Variants in CYP2C19 observed in about 807,000 individuals in gnomAD.
CYP2C19 encodes the protein cytochrome P450 2C19.
A neutral mutation model predicts 40.9 loss-of-function variants in CYP2C19; 59 were observed. The ratio of observed to expected loss-of-function variants is 1.44; its 90% CI spans 1.17 to 1.79. The LOEUF is 1.79. Ranked by LOEUF, CYP2C19 falls within the 40% of genes most tolerant of loss-of-function variation. The pLI is 0.00. For synonymous variants in CYP2C19, 253 were observed against 208.7 expected, an observed-to-expected ratio of 1.21 and a Z score of -1.83; for missense variants, 754 against 596.9, an observed-to-expected ratio of 1.26 and a Z score of -2.74.
chr10:94,774,921 T>C (rs1489731236), intron 1 of CYP2C19, 137 bp from the exon 2 acceptor site: 2 of 905,092 alleles, frequency 2.2e-6, no homozygotes, highest in East Asian at 2.6e-5. Context: ...CATGTTTATA[T>C]ATAAAATTCA....
Position 94,762,841 on chromosome 10 carries a change from G to C in CYP2C19, c.136G>C (p.Asp46His). Residue 46 changes from aspartate (D) to histidine (H), a missense_variant, in exon 1 of 9, where the codon GAT becomes CAT. Transcript: ENST00000371321. The stretch of plus-strand genomic sequence containing the variant: ...AGTGATTGGAAATATCCTACAGATA[G>C]ATATTAAGGATGTCAGCAAATCCTT... ...LPVIGNILQI[D>H]IKDVSKSLTN... The C allele has an allele frequency of 6.2e-7, 1 of 1,613,942 alleles. No homozygotes were observed. Among genetic ancestry groups the C allele is most frequent in the Non-Finnish European group, 8.5e-7 (1 of 1,179,884 alleles).
intron 5 of CYP2C19, among the ~76,000 whole-genome samples, chr10:94,797,536 C>T (rs1386689172): frequency 6.6e-6 from 1 of 151,956 alleles, no homozygotes; most frequent in Non-Finnish European, 1.5e-5. Context: ...ATCTTTTTCT[C>T]TTGGTTGGTA....
At chr10:94,780,787 G>C in intron 4 of CYP2C19, 128 bp downstream of exon 4, 1 of 1,013,088 alleles carries the variant, frequency 9.9e-7, no homozygotes, top group Non-Finnish European at 1.5e-6. Context: ...GACAGCCATG[G>C]GGTGAATATC....
chr10:94,840,600 C>T (rs984613895), intron 6 of CYP2C19, among the ~76,000 whole-genome samples: 5 of 152,130 alleles, frequency 3.3e-5, no homozygotes, highest in Non-Finnish European at 5.9e-5. Flanking sequence ...TAAAGAAAGT[C>T]GTGGTCAGGA....
chr10:94,780,531 T>A lies in CYP2C19; in HGVS notation c.514T>A (p.Cys172Ser). ...CTGTGATCCCACTTTCATCCTGGGC[T>A]GTGCTCCCTGCAATGTGATCTGCTC... ...SPCDPTFILGCAPCNVICSII... is the reference protein window; with the variant it reads ...SPCDPTFILGSAPCNVICSII... The change falls in exon 4 of 9, where the codon TGT (cysteine) becomes AGT (serine). Residue 172 changes from cysteine (C) to serine (S), a missense_variant. Cys to Ser is a moderately radical substitution (Grantham distance 112). Coordinates refer to ENST00000371321, the MANE Select transcript of CYP2C19 (RefSeq NM_000769.4). 6.2e-7 allele frequency: 1 copy of A among 1,613,866 alleles called. No homozygotes were observed. The highest frequency in any genetic ancestry group is 8.5e-7 in the Non-Finnish European group (1 of 1,179,934).
At chr10:94,846,926 A>C (rs1296800095) in intron 7 of CYP2C19, among the ~76,000 whole-genome samples, 4 of 152,102 alleles carry the variant, frequency 2.6e-5, no homozygotes, top group African/African-American at 9.7e-5. Flanking sequence ...CAAACATTCA[A>C]TAGTTTTATA....
intron 1 of CYP2C19, among the ~76,000 whole-genome samples, chr10:94,767,587 C>A (rs1165435588): frequency 6.6e-6 from 1 of 152,144 alleles, no homozygotes; most frequent in Non-Finnish European, 1.5e-5. Flanking sequence ...CCAAAGGGGC[C>A]CTATGATGGA....
intron 1 of CYP2C19, among the ~76,000 whole-genome samples, chr10:94,766,664 C>A (rs1398357527): frequency 6.6e-6 from 1 of 151,986 alleles, no homozygotes; most frequent in East Asian, 1.9e-4. Context: ...GTGGTAGGAG[C>A]CTTTTTAGTC....
chr10:94,788,429 G>T (rs925330282), intron 5 of CYP2C19, among the ~76,000 whole-genome samples: 1 of 151,990 alleles, frequency 6.6e-6, no homozygotes, highest in South Asian at 2.1e-4. Flanking sequence ...TAAGTTCTGG[G>T]GTACATCTGC....
At position 94,852,788 on chromosome 10, in the gene CYP2C19, G is replaced by A. The variant is rs780918826; in HGVS notation, c.1347G>A (p.Leu449=). 3 of 1,614,052 alleles carry A rather than the reference G, an allele frequency of 1.9e-6. No individual in the cohort carries two copies. In the Admixed American group the frequency reaches 5.0e-5, roughly 27 times the overall value. Residue 449 remains leucine, a synonymous_variant, in exon 9 of 9, where the codon CTG becomes CTA. Transcript: ENST00000371321. ...GLARMELFLF[L]TFILQNFNLK... ...CCCGCATGGAGCTGTTTTTATTCCT[G>A]ACCTTCATTTTACAGAACTTTAACC...
chr10:94,849,833 A>G, intron 7 of CYP2C19, 84 bp from the exon 8 acceptor site: 1 of 1,529,496 alleles, frequency 6.5e-7, no homozygotes, highest in Non-Finnish European at 9.0e-7. Context: ...TGTACATCAA[A>G]AGATTTAACT....
chr10:94,829,278 C>T (rs1354391404), intron 6 of CYP2C19, among the ~76,000 whole-genome samples: 3 of 152,192 alleles, frequency 2.0e-5, no homozygotes, highest in Non-Finnish European at 4.4e-5. Context: ...TGTTTCCATT[C>T]TCCCCATCAC....
intron 6 of CYP2C19, among the ~76,000 whole-genome samples, chr10:94,840,461 T>C (rs1351403154): frequency 6.6e-6 from 1 of 152,046 alleles, no homozygotes; most frequent in Non-Finnish European, 1.5e-5. Flanking sequence ...GGATGCAGCG[T>C]AGAGACTCCT....
At chr10:94,820,839 C>A (rs541379715) in intron 6 of CYP2C19, among the ~76,000 whole-genome samples, 1 of 152,164 alleles carries the variant, frequency 6.6e-6, no homozygotes, top group Admixed American at 6.6e-5. Flanking sequence ...AATCCCAGCC[C>A]TTTGGGAGGC....
chr10:94,815,469 C>T (rs1411227168), intron 5 of CYP2C19, among the ~76,000 whole-genome samples: 1 of 152,176 alleles, frequency 6.6e-6, no homozygotes, highest in Non-Finnish European at 1.5e-5. Context: ...AATTCTGCAT[C>T]ACATCAACAC....
chr10:94,834,564 T>C (rs1849373750), intron 6 of CYP2C19, among the ~76,000 whole-genome samples: 1 of 151,720 alleles, frequency 6.6e-6, no homozygotes, highest in Admixed American at 6.6e-5. Context: ...TTCTTTTTTT[T>C]TTTTGTGCAG....
At chr10:94,843,149 T>C (rs755392044) in intron 7 of CYP2C19, 125 bp downstream of exon 7, 26 of 1,189,870 alleles carry the variant, frequency 2.2e-5, no homozygotes, top group Middle Eastern at 1.9e-4. Context: ...GCAGTTTAAT[T>C]GGACTTTCTG....
intron 5 of CYP2C19, among the ~76,000 whole-genome samples, chr10:94,807,060 C>T (rs769826290): frequency 8.5e-5 from 13 of 152,048 alleles, no homozygotes; most frequent in Non-Finnish European, 1.8e-4. Flanking sequence ...ACTTCTCTAC[C>T]TCTACTAGCT....
At chr10:94,773,854 G>A (rs569556161) in intron 1 of CYP2C19, 1 of 152,334 alleles carries the variant, frequency 6.6e-6, no homozygotes, top group South Asian at 2.1e-4. Flanking sequence ...TGAGCAGGTT[G>A]CCACTGCTGG....
Sources: gnomAD v4.1 joint callset for allele counts (sites outside exome capture counted in the v4.1 genomes callset) on GRCh38, gnomAD v4.1.1 for gene constraint, MANE v1.5 for transcripts, NCBI Gene and HGNC (gene_info 2026-07-23, HGNC 2026-07-21) for gene names.